The following SYCP2L variants were observed in gnomAD, a reference collection of about 807,000 sequenced individuals.
The protein encoded by SYCP2L is synaptonemal complex protein 2-like.
SYCP2L carries 98 observed loss-of-function variants against 125.8 expected under a neutral mutation model. The observed-to-expected ratio is 0.78, with a 90% confidence interval of 0.66 to 0.92. SYCP2L has a LOEUF of 0.92. Among genes scored for constraint, SYCP2L ranks in the 40% least tolerant of loss-of-function variants. The pLI is 0.00. For synonymous variants in SYCP2L, 317 were observed against 325.4 expected, an observed-to-expected ratio of 0.97 and a Z score of 0.28; for missense variants, 842 against 936.4, an observed-to-expected ratio of 0.90 and a Z score of 1.32.
chr6:10,918,248 C>T (rs1420894312), intron 14 of SYCP2L, among the ~76,000 whole-genome samples: 2 of 151,740 alleles, frequency 1.3e-5, no homozygotes, highest in Non-Finnish European at 2.9e-5. Flanking sequence ...CAATGTGCCT[C>T]GCCAATGATC....
At chr6:10,950,821 C>T (rs1452712998) in intron 23 of SYCP2L, among the ~76,000 whole-genome samples, 1 of 152,022 alleles carries the variant, frequency 6.6e-6, no homozygotes, top group African/African-American at 2.4e-5. Flanking sequence ...CCACCACACC[C>T]AACGGATTTT....
intron 16 of SYCP2L, 111 bp downstream of exon 16, chr6:10,926,543 A>G: frequency 1.3e-6 from 1 of 755,978 alleles, no homozygotes; most frequent in Non-Finnish European, 2.2e-6. Context: ...TGCGTGTCTG[A>G]TGGCACTTCT....
At chr6:10,937,549 A>C (rs1337342460) in intron 21 of SYCP2L, among the ~76,000 whole-genome samples, 3 of 152,198 alleles carry the variant, frequency 2.0e-5, no homozygotes, top group African/African-American at 7.2e-5. Context: ...ACCCAAAGTC[A>C]GCTTAACGAA....
rs949154647 is a variant in SYCP2L at position 10,912,190 on chromosome 6, C to G, written c.919-483C>G. 6.6e-6 allele frequency among the ~76,000 whole-genome samples: 1 copy of G among 151,978 alleles called. No homozygotes were observed. Among genetic ancestry groups the G allele is most frequent in the African/African-American group, 2.4e-5 (1 of 41,382 alleles). The stretch of plus-strand genomic sequence containing the variant: ...GAATCTTTCTTCCCCTGTTTTAACT[C>G]TAAGCATCTATTTATTTTAGAATAA... On this transcript the variant is annotated intron_variant, in intron 12 of 29. Coordinates refer to ENST00000283141, the MANE Select transcript of SYCP2L (RefSeq NM_001040274.3). The surrounding 1 kb of genome is among the most constrained non-coding windows in gnomAD (Gnocchi z 4.1).
At chr6:10,920,615 TA>T (rs1253617999) in intron 14 of SYCP2L, among the ~76,000 whole-genome samples, 9 of 151,954 alleles carry the variant, frequency 5.9e-5, no homozygotes, top group African/African-American at 1.9e-4. Context: ...TTCCTTTTTT[TA>T]TTTTCTTCAA....
intron 9 of SYCP2L, among the ~76,000 whole-genome samples, chr6:10,906,750 G>A (rs574888517): frequency 5.6e-4 from 85 of 151,398 alleles, no homozygotes; most frequent in African/African-American, 1.9e-3. Context: ...GGCACGCACC[G>A]CCACACCTGG....
chr6:10,919,951 T>C (rs1327925543), intron 14 of SYCP2L, among the ~76,000 whole-genome samples: 1 of 152,068 alleles, frequency 6.6e-6, no homozygotes, highest in African/African-American at 2.4e-5. Context: ...CCACCAAGTC[T>C]GTTTGCAGGC....
intron 12 of SYCP2L, 33 bp downstream of exon 12, chr6:10,910,902 G>C (rs780827727): frequency 6.2e-7 from 1 of 1,611,570 alleles, no homozygotes; most frequent in Non-Finnish European, 8.5e-7. Flanking sequence ...TCCTGAGGGC[G>C]GTGTGCAGTG....
At chr6:10,931,152 CAG>C (rs1296209359) in intron 19 of SYCP2L, among the ~76,000 whole-genome samples, 2 of 152,218 alleles carry the variant, frequency 1.3e-5, no homozygotes, top group Non-Finnish European at 2.9e-5. Flanking sequence ...GCTCAGGCGA[CAG>C]AGTGAGACCC....
chr6:10,932,646 A>G (rs1464490938), intron 20 of SYCP2L, among the ~76,000 whole-genome samples: 1 of 152,248 alleles, frequency 6.6e-6, no homozygotes, highest in Admixed American at 6.5e-5. Flanking sequence ...TATTCATTGA[A>G]TAGTTCAACC....
chr6:10,923,383 T>C (rs1780835238), intron 14 of SYCP2L, among the ~76,000 whole-genome samples: 2 of 81,716 alleles, frequency 2.4e-5, no homozygotes, highest in Non-Finnish European at 5.2e-5. Context: ...ACACACACTT[T>C]TTTTTTTTTT....
chr6:10,966,308 T>A (rs9468126), intron 29 of SYCP2L, among the ~76,000 whole-genome samples: 83,953 of 152,004 alleles, frequency 0.55, 24,173 homozygotes, highest in East Asian at 0.91. Context: ...AAAAATCATT[T>A]TGATTATCTT....
At chr6:10,915,747 T>A (rs574603369) in intron 14 of SYCP2L, among the ~76,000 whole-genome samples, 11 of 152,318 alleles carry the variant, frequency 7.2e-5, no homozygotes, top group Non-Finnish European at 1.6e-4. Context: ...AATTTTAGCA[T>A]CTATGTTCAT....
At chr6:10,888,130 T>C (rs914075997) in intron 1 of SYCP2L, among the ~76,000 whole-genome samples, 2 of 124,834 alleles carry the variant, frequency 1.6e-5, no homozygotes, top group Middle Eastern at 4.5e-3. Context: ...GGAGTCTCAT[T>C]CTGTCGCCCA....
At chr6:10,889,231 A>C (rs904805804) in intron 1 of SYCP2L, among the ~76,000 whole-genome samples, 1 of 152,190 alleles carries the variant, frequency 6.6e-6, no homozygotes, top group South Asian at 2.1e-4. Context: ...ATTATCCACT[A>C]ACACAATGGT....
intron 21 of SYCP2L, among the ~76,000 whole-genome samples, chr6:10,940,465 G>A (rs1374641139): frequency 1.3e-5 from 2 of 151,900 alleles, no homozygotes; most frequent in Non-Finnish European, 2.9e-5. Flanking sequence ...TAGAAAATGT[G>A]GTATATATTA....
chr6:10,903,216 T>C (rs539612791), intron 8 of SYCP2L, among the ~76,000 whole-genome samples: 22 of 151,426 alleles, frequency 1.5e-4, no homozygotes, highest in South Asian at 1.3e-3. Context: ...GGGCAGATCA[T>C]GAGGTCAGGA....
At chr6:10,904,199 A>AT (rs1039153013) in intron 8 of SYCP2L, among the ~76,000 whole-genome samples, 1 of 152,170 alleles carries the variant, frequency 6.6e-6, no homozygotes, top group Non-Finnish European at 1.5e-5. Context: ...CAAGTGATGG[A>AT]TTTTTTGTTT....
At position 10,912,785 on chromosome 6, in the gene SYCP2L, G is replaced by C; in HGVS notation, c.1011+20G>C. ...GCTGAGGTAATGATGTTCGATTCTT[G>C]GTTAGAACTAAGCCTTTAGAGATCT... On this transcript the variant is annotated intron_variant, in intron 13 of 29. Coordinates refer to ENST00000283141, the MANE Select transcript of SYCP2L (RefSeq NM_001040274.3). The surrounding 1 kb of genome is among the most constrained non-coding windows in gnomAD (Gnocchi z 4.1). 6.2e-7 allele frequency: 1 copy of C among 1,609,746 alleles called. No individual in the cohort carries two copies. Among genetic ancestry groups the C allele is most frequent in the Admixed American group, 1.7e-5 (1 of 59,956 alleles).
Sources: allele counts gnomAD v4.1 joint callset (sites outside exome capture counted in the v4.1 genomes callset), GRCh38; gene constraint gnomAD v4.1.1; non-coding constraint Gnocchi (gnomAD v3.1); transcripts MANE v1.5; gene names NCBI Gene and HGNC (gene_info 2026-07-23, HGNC 2026-07-21).